ANKIB1: variants seen among roughly 807,000 people sequenced by gnomAD.
The protein encoded by ANKIB1 is ankyrin repeat and IBR domain-containing protein 1.
ANKIB1 carries 43 observed loss-of-function variants against 122.1 expected under a neutral mutation model. That is an observed-to-expected ratio of 0.35 (90% CI 0.28 to 0.45). The LOEUF is 0.45. ANKIB1 is among the 20% of genes least tolerant of loss of function. The pLI is 1.00. For missense variants in ANKIB1, 992 were observed against 1,329.5 expected (o/e 0.75, Z 3.95); for synonymous variants, 390 against 442.0 (o/e 0.88, Z 1.48).
intron 17 of ANKIB1, among the ~76,000 whole-genome samples, chr7:92,395,477 G>C (rs1446658220): frequency 6.6e-6 from 1 of 151,242 alleles, no homozygotes; most frequent in African/African-American, 2.4e-5. Flanking sequence ...GTACTTAACA[G>C]TGTGTGTTAT....
intron 6 of ANKIB1, among the ~76,000 whole-genome samples, chr7:92,344,123 C>T (rs547341729): frequency 7.2e-4 from 108 of 150,226 alleles, no homozygotes; most frequent in Non-Finnish European, 1.1e-3. Context: ...AAAGTGATTG[C>T]AGCTTTTGCT....
intron 1 of ANKIB1, among the ~76,000 whole-genome samples, chr7:92,290,484 A>G (rs1013018330): frequency 2.6e-5 from 4 of 151,334 alleles, no homozygotes; most frequent in African/African-American, 9.7e-5. Flanking sequence ...TAAGGTTGTT[A>G]TTATCAATAG....
intron 17 of ANKIB1, among the ~76,000 whole-genome samples, chr7:92,395,496 G>A (rs1804867328): frequency 7.1e-6 from 1 of 140,876 alleles, no homozygotes; most frequent in Non-Finnish European, 1.6e-5. Context: ...ATTTTTTACT[G>A]TTGTTCCTTT....
intron 1 of ANKIB1, among the ~76,000 whole-genome samples, chr7:92,255,241 C>T (rs765107124): frequency 3.3e-5 from 5 of 152,214 alleles, no homozygotes; most frequent in Non-Finnish European, 7.4e-5. Flanking sequence ...GAATCTCTCT[C>T]TCCTCTCTAG....
At chr7:92,371,953 GTGT>G (rs1562795562) in intron 11 of ANKIB1, among the ~76,000 whole-genome samples, 134 of 6,364 alleles carry the variant, frequency 0.021, 2 homozygotes, top group Admixed American at 0.13. Flanking sequence ...AGAGAGGGGT[GTGT>G]GTGTGTGTGT....
intron 1 of ANKIB1, among the ~76,000 whole-genome samples, chr7:92,261,096 T>A (rs1801552925): frequency 6.6e-6 from 1 of 152,136 alleles, no homozygotes. Context: ...ACGCCTGTAA[T>A]CCCAGCACTT....
rs574008329 is a variant in ANKIB1, at chr7:92,384,113, C to G, written c.1618-2396C>G. ...ACCAATAACAGACAAACAGCCAAAT[C>G]ATGAGTGAACTCCCATTCACAATTG... On this transcript the variant is annotated intron_variant, in intron 11 of 19. Coordinates refer to ENST00000265742, the MANE Select transcript of ANKIB1 (RefSeq NM_019004.2). 2.0e-5 allele frequency among the ~76,000 whole-genome samples: 3 copies of G among 152,266 alleles called. No homozygotes were observed. In the East Asian group the frequency reaches 5.8e-4, roughly 29 times the overall value.
At chr7:92,299,589 A>G (rs1328855938) in intron 2 of ANKIB1, among the ~76,000 whole-genome samples, 1 of 152,206 alleles carries the variant, frequency 6.6e-6, no homozygotes, top group Non-Finnish European at 1.5e-5. Flanking sequence ...TTAAATCAAA[A>G]CAATACATTA....
Position 92,371,498 on chromosome 7 carries a change from A to T in ANKIB1, c.1508A>T (p.Tyr503Phe). ...PEELVGVSEA[Y>F]EDAANCLWLL... ...AAAGTTGTGGGAGTTAGTGAAGCCTACGAGGATGCCGCCAATTGTCTCTGG... is the reference window on the plus strand; with the variant it reads ...AAAGTTGTGGGAGTTAGTGAAGCCTTCGAGGATGCCGCCAATTGTCTCTGG... The change falls in exon 11 of 20, where the codon TAC becomes TTC. Residue 503 changes from tyrosine (Y) to phenylalanine (F), a missense_variant. Around this residue, in one of 4 missense-constraint regions of ANKIB1, gnomAD observed 521 missense variants for 777.7 expected, o/e 0.67. Coordinates refer to ENST00000265742, the MANE Select transcript of ANKIB1 (RefSeq NM_019004.2). 1 of 1,606,718 alleles carries T rather than the reference A, an allele frequency of 6.2e-7. No individual in the cohort carries two copies. The highest frequency in any genetic ancestry group is 8.5e-7 in the Non-Finnish European group (1 of 1,176,202).
At chr7:92,266,426 G>T (rs940720390) in intron 1 of ANKIB1, among the ~76,000 whole-genome samples, 1 of 152,170 alleles carries the variant, frequency 6.6e-6, no homozygotes, top group Non-Finnish European at 1.5e-5. Flanking sequence ...ATTACCACTA[G>T]GCCTGAGGCA....
intron 1 of ANKIB1, among the ~76,000 whole-genome samples, chr7:92,251,383 A>C (rs1009115552): frequency 3.9e-5 from 6 of 152,208 alleles, no homozygotes; most frequent in Non-Finnish European, 8.8e-5. Flanking sequence ...AAAGTATGTA[A>C]ATCAACATAT....
At chr7:92,336,294 A>G (rs921522743) in intron 5 of ANKIB1, among the ~76,000 whole-genome samples, 1 of 151,556 alleles carries the variant, frequency 6.6e-6, no homozygotes, top group African/African-American at 2.4e-5. Flanking sequence ...TTTTTTTTAG[A>G]ATTGTTTTTC....
intron 2 of ANKIB1, among the ~76,000 whole-genome samples, chr7:92,296,324 G>A (rs1046457041): frequency 1.3e-5 from 2 of 151,942 alleles, no homozygotes; most frequent in African/African-American, 4.8e-5. Flanking sequence ...CTAGACTCAA[G>A]CTATCCTCCT....
chr7:92,394,523 T>A (rs1290856136), intron 17 of ANKIB1, among the ~76,000 whole-genome samples: 1 of 152,230 alleles, frequency 6.6e-6, no homozygotes, highest in Non-Finnish European at 1.5e-5. Context: ...TTTCTTAAAT[T>A]GGAAATATGT....
chr7:92,372,561 A>G (rs144833260), intron 11 of ANKIB1, among the ~76,000 whole-genome samples: 1 of 152,206 alleles, frequency 6.6e-6, no homozygotes, highest in South Asian at 2.1e-4. Context: ...CAATTAAATA[A>G]GTAACTGTTT....
chr7:92,307,214 A>G, intron 2 of ANKIB1, 145 bp from the exon 3 acceptor site: 1 of 715,104 alleles, frequency 1.4e-6, no homozygotes, highest in Non-Finnish European at 2.2e-6. Context: ...TAGTCATTCA[A>G]GCTGTTGTAA....
At chr7:92,261,306 G>A (rs1164743512) in intron 1 of ANKIB1, among the ~76,000 whole-genome samples, 4 of 143,414 alleles carry the variant, frequency 2.8e-5, no homozygotes, top group Non-Finnish European at 6.0e-5. Flanking sequence ...CCGAGATCGC[G>A]CCACTGCACT....
At chr7:92,378,870 A>G (rs149617484) in intron 11 of ANKIB1, among the ~76,000 whole-genome samples, 35 of 152,352 alleles carry the variant, frequency 2.3e-4, no homozygotes, top group African/African-American at 7.7e-4. Context: ...GCAGAGTAAT[A>G]ACCTTCGTGT....
At chr7:92,321,438 T>C (rs1350949648) in intron 4 of ANKIB1, among the ~76,000 whole-genome samples, 1 of 152,212 alleles carries the variant, frequency 6.6e-6, no homozygotes, top group African/African-American at 2.4e-5. Context: ...GTATTTTGTT[T>C]ACTTGTTTAT....
Sources: allele counts gnomAD v4.1 joint callset (sites outside exome capture counted in the v4.1 genomes callset), GRCh38; gene constraint gnomAD v4.1.1; regional missense constraint gnomAD v4.1.1; transcripts MANE v1.5; gene names NCBI Gene and HGNC (gene_info 2026-07-23, HGNC 2026-07-21).